The following SLX9 variants were observed in gnomAD, a reference collection of about 807,000 sequenced individuals.
SLX9 encodes the protein ribosome biogenesis protein SLX9 homolog.
Under a neutral mutation model 20.8 loss-of-function variants are expected in SLX9, and 19 were observed. The ratio of observed to expected loss-of-function variants is 0.91; its 90% CI spans 0.64 to 1.34. The LOEUF is 1.34. Ranked by LOEUF, SLX9 falls within the 40% of genes most tolerant of loss-of-function variation. The pLI is 0.00. For missense variants in SLX9, 299 were observed against 322.2 expected, an observed-to-expected ratio of 0.93 and a Z score of 0.55; for synonymous variants, 113 against 137.1, an observed-to-expected ratio of 0.82 and a Z score of 1.23.
At chr21:44,947,755 C>T (rs1032718905) in intron 2 of SLX9, among the ~76,000 whole-genome samples, 8 of 152,108 alleles carry the variant, frequency 5.3e-5, no homozygotes, top group African/African-American at 1.2e-4. Context: ...CCTCCTGCTA[C>T]GGGAGGAGGA....
At chr21:44,969,266 C>G (rs749637870) in intron 4 of SLX9, 2 of 461,682 alleles carry the variant, frequency 4.3e-6, no homozygotes, top group Non-Finnish European at 9.0e-6. Flanking sequence ...AGAATAGGAG[C>G]GGCCGCCCGG....
At chr21:44,945,359 A>T (rs1005555763) in intron 2 of SLX9, among the ~76,000 whole-genome samples, 3 of 152,274 alleles carry the variant, frequency 2.0e-5, no homozygotes, top group Admixed American at 1.3e-4. Flanking sequence ...CAAGGCCCTT[A>T]AGGCTGTCCC....
In SLX9 at chr21:44,951,050, C is replaced by T. The variant is rs377405695; in HGVS notation, c.283+7213C>T. Among the ~76,000 whole-genome samples the T allele has an allele frequency of 1.2e-3, 182 of 152,164 alleles. 2 individuals carry two copies. The highest frequency in any genetic ancestry group is 8.7e-3 in the South Asian group (42 of 4,814). ...ACAGTGCAGCAGGCTAAGCCTTCAT[C>T]GGATTAAAGTCGCCGGTTTGATTTA... On this transcript the variant is annotated intron_variant, in intron 2 of 5. Transcript: ENST00000291634.
At chr21:44,940,221 G>T in intron 1 of SLX9, 35 bp downstream of exon 1, 1 of 1,216,562 alleles carries the variant, frequency 8.2e-7, no homozygotes, top group Non-Finnish European at 1.0e-6. Flanking sequence ...GGGCTGCCGC[G>T]TGGGTCCGAG....
At chr21:44,944,328 G>A (rs1388030045) in intron 2 of SLX9, among the ~76,000 whole-genome samples, 1 of 152,206 alleles carries the variant, frequency 6.6e-6, no homozygotes, top group Admixed American at 6.5e-5. Flanking sequence ...CCCGTCTCCT[G>A]GTTGTGCTCC....
In SLX9 at chr21:44,960,311, A is replaced by C. The variant is rs548145890; in HGVS notation, c.352+143A>C. ...CCAAGGGGATCACCCAAGACACTTC[A>C]GAGGCTGCTGTGGGGGCCGAAGGAC... On this transcript the variant is annotated intron_variant, in intron 3 of 5. Transcript: ENST00000291634. 5.1e-6 allele frequency: 4 copies of C among 788,618 alleles called. No individual in the cohort carries two copies. The East Asian group carries it at 1.1e-4, about 21-fold the overall frequency. 48.9% of individuals were successfully genotyped at this position (788,618 alleles called of 1,614,324 possible). A position where few individuals can be genotyped will look rare whatever the true frequency, so the allele number is the denominator to read the frequency against.
At chr21:44,940,841 CCTTT>C (rs1187704036) in intron 1 of SLX9, among the ~76,000 whole-genome samples, 1 of 151,980 alleles carries the variant, frequency 6.6e-6, no homozygotes, top group Non-Finnish European at 1.5e-5. Context: ...TTTTTCTGCC[CCTTT>C]CTGTCACTCC....
At chr21:44,944,864 G>C (rs1383217797) in intron 2 of SLX9, among the ~76,000 whole-genome samples, 2 of 152,240 alleles carry the variant, frequency 1.3e-5, no homozygotes, top group Non-Finnish European at 2.9e-5. Context: ...CTCTGGGCCT[G>C]GGCTTTGCAT....
At chr21:44,964,881 T>C (rs2085007002) in intron 3 of SLX9, among the ~76,000 whole-genome samples, 1 of 152,214 alleles carries the variant, frequency 6.6e-6, no homozygotes, top group South Asian at 2.1e-4. Flanking sequence ...TACATACTGA[T>C]TTTTAGGAAC....
intron 5 of SLX9, 53 bp from the exon 6 acceptor site, chr21:44,976,627 G>A: frequency 2.6e-6 from 4 of 1,549,902 alleles, no homozygotes; most frequent in Non-Finnish European, 8.7e-7. Flanking sequence ...GTGTTGAGGG[G>A]CTGAGGGGTC....
In SLX9 at chr21:44,963,390, T is replaced by TA. The variant is rs201436398; in HGVS notation, c.352+3225dup. 6.7e-3 allele frequency among the ~76,000 whole-genome samples: 1,000 copies of TA among 149,650 alleles called. 13 individuals carry two copies. The highest frequency in any genetic ancestry group is 0.023 in the African/African-American group (956 of 40,728). On this transcript the variant is annotated intron_variant, in intron 3 of 5. Coordinates refer to ENST00000291634, the MANE Select transcript of SLX9 (RefSeq NM_058190.4). ...GGCGTGAGAACTTTTTTTTTTTTTT[T>TA]AAATAAACGAGAGTTTAATTTTGAG...
intron 1 of SLX9, 55 bp downstream of exon 1, chr21:44,940,241 G>C: frequency 8.3e-7 from 1 of 1,201,218 alleles, no homozygotes; most frequent in Non-Finnish European, 1.0e-6. Context: ...GGGCGGGTGA[G>C]CTGCGGGGCG....
At chr21:44,950,635 G>A (rs998798682) in intron 2 of SLX9, among the ~76,000 whole-genome samples, 4 of 152,252 alleles carry the variant, frequency 2.6e-5, no homozygotes, top group Admixed American at 2.0e-4. Context: ...ATGCCAGTCC[G>A]GCTGGGAGCG....
intron 3 of SLX9, among the ~76,000 whole-genome samples, chr21:44,962,785 G>C (rs1391796273): frequency 6.6e-6 from 1 of 152,158 alleles, no homozygotes; most frequent in African/African-American, 2.4e-5. Flanking sequence ...TCCCACCAGA[G>C]CCTGTGAGAG....
At chr21:44,969,281 G>A (rs1358977922) in intron 4 of SLX9, 1 of 451,952 alleles carries the variant, frequency 2.2e-6, no homozygotes, top group South Asian at 1.6e-5. Context: ...GCCCGGAGTG[G>A]CGATGTGATG....
chr21:44,973,392 A>G (rs552475728), intron 5 of SLX9, 127 bp downstream of exon 5: 3 of 488,734 alleles, frequency 6.1e-6, no homozygotes, highest in Non-Finnish European at 7.1e-6. Context: ...TCAGCTCCTG[A>G]GTGCCCTCAC....
At chr21:44,941,751 C>CT (rs1420363026) in intron 1 of SLX9, among the ~76,000 whole-genome samples, 1 of 152,182 alleles carries the variant, frequency 6.6e-6, no homozygotes, top group Non-Finnish European at 1.5e-5. Context: ...GGGATGCGAC[C>CT]TCCTGGGAGT....
At chr21:44,966,317 C>T (rs1448995807) in intron 3 of SLX9, among the ~76,000 whole-genome samples, 4 of 152,058 alleles carry the variant, frequency 2.6e-5, no homozygotes, top group East Asian at 1.9e-4. Context: ...GCCTGTGTCA[C>T]GAGCTGGCAG....
chr21:44,966,984 GCTC>G (rs2123440381), intron 3 of SLX9, 47 bp from the exon 4 acceptor site: 2 of 1,563,984 alleles, frequency 1.3e-6, no homozygotes, highest in African/African-American at 2.7e-5. Flanking sequence ...CTGGGCCTGG[GCTC>G]CTCCTCTGCC....
Sources: gnomAD v4.1 joint callset for allele counts (sites outside exome capture counted in the v4.1 genomes callset) on GRCh38, gnomAD v4.1.1 for gene constraint, MANE v1.5 for transcripts, NCBI Gene and HGNC (gene_info 2026-07-23, HGNC 2026-07-21) for gene names.